PRR19: variants seen among roughly 807,000 people sequenced by gnomAD.
PRR19 encodes proline rich 19.
Under a neutral mutation model 19.2 loss-of-function variants are expected in PRR19, and 9 were observed. The observed-to-expected ratio is 0.47, with a 90% CI of 0.28 to 0.82. The LOEUF is 0.82. Among genes scored for constraint, PRR19 ranks in the 40% least tolerant of loss-of-function variants. The pLI is 0.11. For synonymous variants in PRR19, 190 were observed against 191.0 expected (o/e 0.99, Z 0.04); for missense variants, 457 against 466.0 (o/e 0.98, Z 0.18).
chr19:42,307,633 A>T (rs150868432), intron 1 of PRR19, among the ~76,000 whole-genome samples: 1,647 of 149,558 alleles, frequency 0.011, 20 homozygotes, highest in Non-Finnish European at 0.017. Flanking sequence ...GCGAGGTTTC[A>T]CATGTTGCCC....
intron 1 of PRR19, among the ~76,000 whole-genome samples, chr19:42,306,735 C>A (rs2038710790): frequency 6.6e-6 from 1 of 152,212 alleles, no homozygotes; most frequent in Non-Finnish European, 1.5e-5. Flanking sequence ...TGATAGCTAT[C>A]TGAACCAATC....
In PRR19 at chr19:42,309,824, G is replaced by C; in HGVS notation, c.240G>C (p.Glu80Asp). 3.1e-6 allele frequency: 5 copies of C among 1,614,090 alleles called. No individual in the cohort carries two copies. The highest frequency in any genetic ancestry group is 4.2e-6 in the Non-Finnish European group (5 of 1,180,032). Residue 80 changes from glutamate to aspartate, a missense_variant, in exon 2 of 3, where the codon GAG becomes GAC. Glu to Asp is a conservative substitution (Grantham distance 45, BLOSUM62 2). Transcript: ENST00000341747. ...AGCACCGGGGTCTCTTCAACCACGA[G>C]GTGAAATCCCTAGATGTTGCAAGGC... ...SREHRGLFNHEVKSLDVARLL... is the reference protein window; with the variant it reads ...SREHRGLFNHDVKSLDVARLL...
At chr19:42,306,074 C>G (rs2038703464) in intron 1 of PRR19, among the ~76,000 whole-genome samples, 2 of 152,156 alleles carry the variant, frequency 1.3e-5, no homozygotes, top group African/African-American at 2.4e-5. Context: ...CCGTCTCCCT[C>G]AGGCGGGCGT....
rs978507007 is a variant in PRR19, at chr19:42,302,368, C to A, written c.-142C>A. On this transcript the variant is annotated 5_prime_UTR_variant, in exon 1 of 3. Transcript: ENST00000341747. ...CGGGTCGGCCCGGGAGTGTTCCGAA[C>A]GGAGCTGGCTCCGCCACGCCCACTC... 6.1e-6 allele frequency: 9 copies of A among 1,478,764 alleles called. No homozygotes were observed. Among genetic ancestry groups the A allele is most frequent in the Non-Finnish European group, 7.3e-6 (8 of 1,093,474 alleles). The allele number at this position is 1,478,764 out of a possible 1,614,324, so 91.6% of individuals were successfully genotyped here.
At chr19:42,310,215 C>T in intron 2 of PRR19, 30 bp downstream of exon 2, 1 of 1,613,964 alleles carries the variant, frequency 6.2e-7, no homozygotes, top group Non-Finnish European at 8.5e-7. Context: ...CTGTACTCCC[C>T]TTTCCTTTGT....
chr19:42,304,600 A>T (rs2038687719), intron 1 of PRR19, among the ~76,000 whole-genome samples: 1 of 150,394 alleles, frequency 6.6e-6, no homozygotes, highest in Non-Finnish European at 1.5e-5. Context: ...AATACAAAAA[A>T]TTAGCGGGGC....
rs569992703 is a variant in PRR19, at chr19:42,310,558, C to A, written c.889C>A (p.Pro297Thr). The change falls in exon 3 of 3, where the codon CCT becomes ACT. Residue 297 changes from proline to threonine, a missense_variant. Physicochemically the swap from Pro to Thr is conservative, Grantham distance 38. Transcript: ENST00000341747. The part of the protein sequence containing the change: ...KSIWLVATPP[P>T]PRPWGVGLPQ... ...CATCTGGCTGGTAGCCACGCCACCC[C>A]CTCCTCGGCCCTGGGGGGTTGGCCT... 65 of 1,614,176 alleles carry A rather than the reference C, an allele frequency of 4.0e-5. 1 individual carries two copies. Among genetic ancestry groups the A allele is most frequent in the Admixed American group, 1.0e-4 (6 of 60,030 alleles).
intron 1 of PRR19, chr19:42,303,582 T>G (rs1040493318): frequency 6.6e-6 from 1 of 152,262 alleles, no homozygotes; most frequent in African/African-American, 2.4e-5. Flanking sequence ...TTCCCATGTA[T>G]TCATTCCTTC....
chr19:42,305,315 G>C (rs2038696267), intron 1 of PRR19, among the ~76,000 whole-genome samples: 1 of 150,224 alleles, frequency 6.7e-6, no homozygotes, highest in Admixed American at 6.6e-5. Context: ...GTCTCGCTCT[G>C]TCGCCTAGGC....
At position 42,302,353 on chromosome 19, in the gene PRR19, C is replaced by A; in HGVS notation, c.-157C>A. The A allele has an allele frequency of 6.5e-7, 1 of 1,536,372 alleles. No individual in the cohort carries two copies. The highest frequency in any genetic ancestry group is 1.2e-5 in the South Asian group (1 of 84,294). On this transcript the variant is annotated 5_prime_UTR_variant, in exon 1 of 3. Coordinates refer to ENST00000341747, the MANE Select transcript of PRR19 (RefSeq NM_199285.3). ...GCAGGATGAGCGAGTCGGGTCGGCC[C>A]GGGAGTGTTCCGAACGGAGCTGGCT...
chr19:42,309,566 C>T lies in PRR19; in HGVS notation c.-6-13C>T, dbSNP rs2038758032. The T allele has an allele frequency of 6.6e-7, 1 of 1,508,850 alleles. No individual in the cohort carries two copies. Among genetic ancestry groups the T allele is most frequent in the African/African-American group, 1.4e-5 (1 of 71,538 alleles). 93.5% of individuals were successfully genotyped at this position (1,508,850 alleles called of 1,614,324 possible). On this transcript the variant is annotated splice_polypyrimidine_tract_variant and intron_variant, in intron 1 of 2. Coordinates refer to ENST00000341747, the MANE Select transcript of PRR19 (RefSeq NM_199285.3). ...ATCTGCATGCTGATGGCCACCCTAT[C>T]TTTATATTCCAGGACACCATGGATA...
At position 42,310,278 on chromosome 19, in the gene PRR19, G is replaced by A; in HGVS notation, c.609G>A (p.Lys203=). The A allele has an allele frequency of 3.1e-6, 5 of 1,614,162 alleles. No individual in the cohort carries two copies. Among genetic ancestry groups the A allele is most frequent in the Non-Finnish European group, 4.2e-6 (5 of 1,180,028 alleles). The part of the protein sequence containing the change: ...RGCQPPLPGA[K]PGVSERKMTP... ...TTCTTTCCTCTGTGCCAGGGGCCAA[G>A]CCTGGGGTCTCTGAGAGAAAGATGA... Residue 203 remains lysine (K), a synonymous_variant, in exon 3 of 3, where the codon AAG becomes AAA. Transcript: ENST00000341747.
chr19:42,304,534 C>T (rs1284023407), intron 1 of PRR19, among the ~76,000 whole-genome samples: 3 of 150,572 alleles, frequency 2.0e-5, no homozygotes, highest in Admixed American at 6.6e-5. Flanking sequence ...GGGCAGATCA[C>T]GAGGTCAGGA....
In PRR19 at chr19:42,302,508, G is replaced by T; in HGVS notation, c.-7+5G>T. ...ACGGAAGCCTTCACTTAGGAGGTAGGTGGAATCAGGAACCTTCGCTTCCCC... is the reference window on the plus strand; with the variant it reads ...ACGGAAGCCTTCACTTAGGAGGTAGTTGGAATCAGGAACCTTCGCTTCCCC... On this transcript the variant is annotated splice_donor_5th_base_variant and intron_variant, in intron 1 of 2. Coordinates refer to ENST00000341747, the MANE Select transcript of PRR19 (RefSeq NM_199285.3). The T allele has an allele frequency of 1.8e-6, 1 of 558,592 alleles. No individual in the cohort carries two copies. Among genetic ancestry groups the T allele is most frequent in the Non-Finnish European group, 3.2e-6 (1 of 316,284 alleles). The allele number at this position is 558,592 out of a possible 1,614,324, so 34.6% of individuals were successfully genotyped here.
chr19:42,306,610 A>G (rs1193649209), intron 1 of PRR19, among the ~76,000 whole-genome samples: 2 of 152,090 alleles, frequency 1.3e-5, no homozygotes, highest in East Asian at 1.9e-4. Context: ...GGCCAACTGT[A>G]TAAGTTTTCT....
At chr19:42,304,081 C>A in intron 1 of PRR19, among the ~76,000 whole-genome samples, 1 of 141,816 alleles carries the variant, frequency 7.1e-6, no homozygotes, top group Non-Finnish European at 1.5e-5. Flanking sequence ...CCAGCCTGGC[C>A]AACATGGCGA....
At chr19:42,306,453 G>A (rs2038707711) in intron 1 of PRR19, among the ~76,000 whole-genome samples, 1 of 152,154 alleles carries the variant, frequency 6.6e-6, no homozygotes, top group Admixed American at 6.5e-5. Flanking sequence ...GATTACAGGC[G>A]TGAGCCACCA....
chr19:42,309,767 C>G lies in PRR19; in HGVS notation c.183C>G (p.Leu61=), dbSNP rs780366776. ...DPPVVPTASK[L]VVITQGRLSR... is the part of the protein sequence containing the mutation. Reference sequence around the variant, plus strand: ...CTGTGGTCCCTACTGCCTCCAAGCTCGTGGTCATAACCCAGGGCCGGCTGA... The same window carrying G: ...CTGTGGTCCCTACTGCCTCCAAGCTGGTGGTCATAACCCAGGGCCGGCTGA... The change falls in exon 2 of 3, where the codon CTC becomes CTG. Residue 61 remains leucine (L), a synonymous_variant. Coordinates refer to ENST00000341747, the MANE Select transcript of PRR19 (RefSeq NM_199285.3). The G allele has an allele frequency of 1.1e-5, 17 of 1,611,616 alleles. No homozygotes were observed. The highest frequency in any genetic ancestry group is 1.4e-5 in the Non-Finnish European group (17 of 1,178,140).
Position 42,310,772 on chromosome 19 carries a change from AT to A in PRR19, c.*33del. The A allele has an allele frequency of 7.2e-7, 1 of 1,395,738 alleles. No individual in the cohort carries two copies. Among genetic ancestry groups the A allele is most frequent in the Non-Finnish European group, 9.8e-7 (1 of 1,024,534 alleles). 86.5% of individuals were successfully genotyped at this position (1,395,738 alleles called of 1,614,324 possible). ...GCTGAGGCTAGGGCTGGGGACAGAT[AT>A]CTTGTACTCCCAGTGACCTCAATAA... On this transcript the variant is annotated 3_prime_UTR_variant, in exon 3 of 3. Transcript: ENST00000341747.
Sources: allele counts gnomAD v4.1 joint callset (sites outside exome capture counted in the v4.1 genomes callset), GRCh38; gene constraint gnomAD v4.1.1; transcripts MANE v1.5; gene names NCBI Gene and HGNC (gene_info 2026-07-23, HGNC 2026-07-21).